LRRTM4: variants seen among roughly 807,000 people sequenced by gnomAD.
LRRTM4 encodes leucine-rich repeat transmembrane neuronal protein 4.
Under a neutral mutation model 47.6 loss-of-function variants are expected in LRRTM4, and 25 were observed. That is an observed-to-expected ratio of 0.53 (90% CI 0.38 to 0.73). The LOEUF is 0.73. Ranked by LOEUF, LRRTM4 falls within the 30% of genes least tolerant of loss-of-function variation. The pLI is 0.00. For synonymous variants in LRRTM4, 311 were observed against 269.5 expected, an observed-to-expected ratio of 1.15 and a Z score of -1.51; for missense variants, 638 against 713.4, an observed-to-expected ratio of 0.89 and a Z score of 1.20.
At chr2:77,113,215 C>T (rs1008854226) in intron 3 of LRRTM4, among the ~76,000 whole-genome samples, 5 of 152,048 alleles carry the variant, frequency 3.3e-5, no homozygotes, top group African/African-American at 1.2e-4. Context: ...TGCAGACGGG[C>T]CTCCTCTGAC....
At chr2:77,374,334 G>T (rs925440911) in intron 3 of LRRTM4, among the ~76,000 whole-genome samples, 2 of 151,756 alleles carry the variant, frequency 1.3e-5, no homozygotes, top group African/African-American at 2.4e-5. Flanking sequence ...ATAAAATTAG[G>T]CAGTGGATTT....
chr2:76,850,723 A>G (rs1456448995), intron 3 of LRRTM4, among the ~76,000 whole-genome samples: 1 of 152,148 alleles, frequency 6.6e-6, no homozygotes, highest in Non-Finnish European at 1.5e-5. Flanking sequence ...ATGTGTGTGT[A>G]TTCACACATG....
intron 3 of LRRTM4, among the ~76,000 whole-genome samples, chr2:77,478,617 C>T (rs1161581709): frequency 6.6e-6 from 1 of 152,166 alleles, no homozygotes; most frequent in Non-Finnish European, 1.5e-5. Flanking sequence ...CTTTTGTACA[C>T]ATGCACTGGT....
intron 3 of LRRTM4, among the ~76,000 whole-genome samples, chr2:76,843,527 T>A (rs189071510): frequency 1.2e-4 from 18 of 152,326 alleles, no homozygotes; most frequent in African/African-American, 3.6e-4. Context: ...TCATGAACAA[T>A]TGGAAATTTC....
At chr2:76,786,201 C>CT (rs1674661528) in intron 3 of LRRTM4, among the ~76,000 whole-genome samples, 1 of 152,068 alleles carries the variant, frequency 6.6e-6, no homozygotes, top group East Asian at 1.9e-4. Context: ...AAGTCTCTAG[C>CT]CTATCTTCCC....
chr2:76,931,559 T>C (rs145113888), intron 3 of LRRTM4, among the ~76,000 whole-genome samples: 1 of 152,234 alleles, frequency 6.6e-6, no homozygotes, highest in Non-Finnish European at 1.5e-5. Flanking sequence ...ACTCAGTGTC[T>C]CCTAGTTGTC....
At chr2:77,217,070 CAAA>C (rs553127745) in intron 3 of LRRTM4, among the ~76,000 whole-genome samples, 11 of 84,124 alleles carry the variant, frequency 1.3e-4, no homozygotes, top group Non-Finnish European at 1.8e-4. Flanking sequence ...GAGACTCTGT[CAAA>C]AAAAAAAAAA....
chr2:77,459,666 A>G (rs1676705176), intron 3 of LRRTM4, among the ~76,000 whole-genome samples: 1 of 151,984 alleles, frequency 6.6e-6, no homozygotes, highest in Non-Finnish European at 1.5e-5. Context: ...CCCCTGTGAA[A>G]TAACTTTCAG....
At chr2:77,411,006 A>G (rs529441462) in intron 3 of LRRTM4, among the ~76,000 whole-genome samples, 2 of 152,318 alleles carry the variant, frequency 1.3e-5, no homozygotes, top group East Asian at 3.9e-4. Flanking sequence ...TCTTATTTTC[A>G]AGATTATAAT....
chr2:76,926,973 C>G (rs74979333), intron 3 of LRRTM4, among the ~76,000 whole-genome samples: 1,570 of 152,226 alleles, frequency 0.01, 29 homozygotes, highest in African/African-American at 0.036. Flanking sequence ...GAAAATGTGT[C>G]AAGATGGTGA....
intron 3 of LRRTM4, among the ~76,000 whole-genome samples, chr2:77,270,407 C>T (rs1415336423): frequency 2.0e-5 from 3 of 151,946 alleles, no homozygotes; most frequent in Admixed American, 2.0e-4. Flanking sequence ...ATAAGGTTAC[C>T]CTTGCTTGGT....
At chr2:77,033,517 G>A (rs1472409058) in intron 3 of LRRTM4, among the ~76,000 whole-genome samples, 2 of 151,728 alleles carry the variant, frequency 1.3e-5, no homozygotes, top group African/African-American at 2.4e-5. Flanking sequence ...CATTCCCTGT[G>A]TACCGAATAT....
chr2:77,069,716 C>A (rs995425883), intron 3 of LRRTM4, among the ~76,000 whole-genome samples: 1 of 147,534 alleles, frequency 6.8e-6, no homozygotes, highest in Non-Finnish European at 1.5e-5. Flanking sequence ...AGCACAGGGC[C>A]TTCTAAAGTC....
intron 3 of LRRTM4, among the ~76,000 whole-genome samples, chr2:77,203,778 T>C (rs964920): frequency 0.21 from 31,246 of 152,100 alleles, 6,308 homozygotes; most frequent in African/African-American, 0.52. Context: ...TGGTAACACC[T>C]CTGTGTCAAG....
At chr2:77,227,924 G>C (rs1674858479) in intron 3 of LRRTM4, among the ~76,000 whole-genome samples, 1 of 151,838 alleles carries the variant, frequency 6.6e-6, no homozygotes, top group African/African-American at 2.4e-5. Context: ...GATATCATAA[G>C]ACTAGTTTGT....
At chr2:77,076,091 A>C (rs2103842196) in intron 3 of LRRTM4, among the ~76,000 whole-genome samples, 1 of 152,206 alleles carries the variant, frequency 6.6e-6, no homozygotes, top group East Asian at 1.9e-4. Flanking sequence ...ACATAAAGCA[A>C]AAAGGCATTT....
chr2:77,485,346 A>G (rs1202623002), intron 3 of LRRTM4, among the ~76,000 whole-genome samples: 1 of 152,184 alleles, frequency 6.6e-6, no homozygotes, highest in Non-Finnish European at 1.5e-5. Context: ...TAAAATTTGA[A>G]CTGGATCTTT....
At chr2:77,450,671 C>T (rs995567546) in intron 3 of LRRTM4, among the ~76,000 whole-genome samples, 1 of 152,028 alleles carries the variant, frequency 6.6e-6, no homozygotes. Flanking sequence ...CCAAAAAAAA[C>T]TATATCTGGT....
chr2:77,520,483 C>T (rs764392655), intron 2 of LRRTM4, among the ~76,000 whole-genome samples: 2 of 152,008 alleles, frequency 1.3e-5, no homozygotes, highest in East Asian at 3.9e-4. Flanking sequence ...AATAACGGTA[C>T]GAGGTGCTCT....
Sources: gnomAD v4.1 joint callset for allele counts (sites outside exome capture counted in the v4.1 genomes callset) on GRCh38, gnomAD v4.1.1 for gene constraint, MANE v1.5 for transcripts, NCBI Gene and HGNC (gene_info 2026-07-23, HGNC 2026-07-21) for gene names.